EFCAB6: variants seen among roughly 807,000 people sequenced by gnomAD.
EFCAB6 encodes the protein EF-hand calcium-binding domain-containing protein 6.
EFCAB6 carries 156 observed loss-of-function variants against 169.8 expected under a neutral mutation model. That is an observed-to-expected ratio of 0.92 (90% CI 0.81 to 1.05). EFCAB6 has a LOEUF of 1.05. Among genes scored for constraint, EFCAB6 ranks in the 50% least tolerant of loss-of-function variants. The probability of loss-of-function intolerance (pLI) is 0.00; values close to 1 mark genes in which losing one functional copy is unlikely to be tolerated. For synonymous variants in EFCAB6, 698 were observed against 676.4 expected (o/e 1.03, Z -0.50); for missense variants, 1,800 against 1,829.1 (o/e 0.98, Z 0.29).
chr22:43,807,970 C>G (rs748298386), intron 2 of EFCAB6, among the ~76,000 whole-genome samples: 1 of 152,226 alleles, frequency 6.6e-6, no homozygotes, highest in Non-Finnish European at 1.5e-5. Context: ...TCCACCACAA[C>G]AACTTGCAAG....
chr22:43,666,791 T>A (rs770082507), intron 17 of EFCAB6, among the ~76,000 whole-genome samples: 4 of 148,008 alleles, frequency 2.7e-5, no homozygotes, highest in Non-Finnish European at 4.5e-5. Context: ...GGCTTTGTAC[T>A]CTCACCCGCA....
chr22:43,582,770 A>G (rs1354945935), intron 24 of EFCAB6, among the ~76,000 whole-genome samples: 4 of 152,156 alleles, frequency 2.6e-5, no homozygotes, highest in African/African-American at 7.2e-5. Context: ...GAGAGGAGAA[A>G]GTGGAATAGA....
intron 8 of EFCAB6, among the ~76,000 whole-genome samples, chr22:43,730,740 AC>A (rs1357104411): frequency 6.6e-6 from 1 of 152,150 alleles, no homozygotes; most frequent in East Asian, 1.9e-4. Context: ...CACCTGCCTC[AC>A]GTGGTCGTGG....
intron 26 of EFCAB6, among the ~76,000 whole-genome samples, chr22:43,573,350 A>G (rs572425551): frequency 2.6e-5 from 4 of 152,228 alleles, no homozygotes; most frequent in Non-Finnish European, 5.9e-5. Context: ...GTTTGTTAAA[A>G]AAAAAGACTT....
At chr22:43,732,756 T>C (rs1488102613) in intron 7 of EFCAB6, among the ~76,000 whole-genome samples, 1 of 152,168 alleles carries the variant, frequency 6.6e-6, no homozygotes, top group Non-Finnish European at 1.5e-5. Flanking sequence ...CATGAGCCAC[T>C]GTGCCCAGCC....
In EFCAB6 at chr22:43,767,193, G is replaced by A. The variant is rs1027671508; in HGVS notation, c.352-1800C>T. 5.3e-5 allele frequency among the ~76,000 whole-genome samples: 8 copies of A among 152,162 alleles called. 1 individual carries two copies. Among genetic ancestry groups the A allele is most frequent in the African/African-American group, 7.2e-5 (3 of 41,520 alleles). On this transcript the variant is annotated intron_variant, in intron 4 of 31. Transcript: ENST00000262726. The stretch of plus-strand genomic sequence containing the variant: ...TTATTTACTAAGCCCTTAAAATGCC[G>A]GCCTCAAAGCCTGGCATGGTTATTG...
At chr22:43,542,407 C>G (rs1284969632) in intron 27 of EFCAB6, among the ~76,000 whole-genome samples, 1 of 152,142 alleles carries the variant, frequency 6.6e-6, no homozygotes, top group Non-Finnish European at 1.5e-5. Context: ...TGGTGAAACC[C>G]CATCTCTACT....
chr22:43,720,350 T>TA (rs34117958), intron 8 of EFCAB6, among the ~76,000 whole-genome samples: 110,255 of 144,388 alleles, frequency 0.76, 41,962 homozygotes, highest in East Asian at 0.86. Context: ...TACAAAAGAT[T>TA]AAAAAAAAAA....
Position 43,626,698 on chromosome 22 carries a change from C to T in EFCAB6, c.2233-19G>A, listed in dbSNP as rs110618. 3.6e-5 allele frequency: 58 copies of T among 1,612,168 alleles called. No homozygotes were observed. The highest frequency in any genetic ancestry group is 1.6e-4 in the Middle Eastern group (1 of 6,066). On this transcript the variant is annotated intron_variant, in intron 19 of 31. Coordinates refer to ENST00000262726, the MANE Select transcript of EFCAB6 (RefSeq NM_022785.4). Reference sequence around the variant, plus strand: ...AGGGGTCCTAAAAACAAAACACACACGTCAAAGCCCTTCCCCAAGAGCCCC... The same window carrying T: ...AGGGGTCCTAAAAACAAAACACACATGTCAAAGCCCTTCCCCAAGAGCCCC...
At chr22:43,713,295 T>C (rs1023088994) in intron 9 of EFCAB6, among the ~76,000 whole-genome samples, 3 of 152,232 alleles carry the variant, frequency 2.0e-5, no homozygotes, top group African/African-American at 4.8e-5. Flanking sequence ...AAGCACATTA[T>C]TGGCATGCAG....
chr22:43,599,472 T>C (rs911608810), intron 23 of EFCAB6, among the ~76,000 whole-genome samples: 12 of 118,890 alleles, frequency 1.0e-4, no homozygotes, highest in Non-Finnish European at 1.6e-4. Flanking sequence ...ACAGCGCCAT[T>C]GCACTCCAGC....
chr22:43,785,393 A>C (rs905638045), intron 2 of EFCAB6, among the ~76,000 whole-genome samples: 3 of 151,960 alleles, frequency 2.0e-5, no homozygotes, highest in African/African-American at 7.3e-5. Flanking sequence ...AAATTAAACA[A>C]CACACTCCTA....
chr22:43,711,434 G>A (rs372562521), intron 10 of EFCAB6, 41 bp downstream of exon 10: 585 of 1,518,424 alleles, frequency 3.9e-4, no homozygotes, highest in Admixed American at 5.1e-4. Flanking sequence ...TACGGTTGAC[G>A]TTTGGGGAAA....
rs145778595 is a variant in EFCAB6, at chr22:43,678,103, T to C, written c.1312A>G (p.Lys438Glu). Residue 438 changes from lysine to glutamate, a missense_variant, in exon 13 of 32, where the codon AAA (lysine) becomes GAA (glutamate). Transcript: ENST00000262726. ...TCTTTGAATTCTGAATCGCTTAGTT[T>C]TACAGCCATGCAATTTAGAATATAT... ...FRYILNCMAVKLSDSEFKELM... is the reference protein window; with the variant it reads ...FRYILNCMAVELSDSEFKELM... 1.6e-4 allele frequency: 257 copies of C among 1,613,912 alleles called. No homozygotes were observed. The African/African-American group carries it at 2.8e-3, about 18-fold the overall frequency.
intron 22 of EFCAB6, among the ~76,000 whole-genome samples, chr22:43,606,081 G>T (rs1050392776): frequency 4.6e-5 from 7 of 152,198 alleles, no homozygotes; most frequent in Non-Finnish European, 1.0e-4. Context: ...CTGAAGGGAG[G>T]AAGTAGAGGA....
intron 30 of EFCAB6, 50 bp from the exon 31 acceptor site, chr22:43,531,014 T>C (rs1226706102): frequency 1.9e-6 from 3 of 1,610,068 alleles, no homozygotes; most frequent in Middle Eastern, 3.9e-4. Context: ...AACACGAGGG[T>C]TGGGGTGGGC....
chr22:43,719,925 CA>C (rs910985377), intron 8 of EFCAB6, among the ~76,000 whole-genome samples: 32 of 151,766 alleles, frequency 2.1e-4, no homozygotes, highest in Admixed American at 2.1e-3. Context: ...GAGCAAATTA[CA>C]AAAAAACATT....
At chr22:43,733,524 G>A (rs2060027102) in intron 7 of EFCAB6, among the ~76,000 whole-genome samples, 1 of 152,136 alleles carries the variant, frequency 6.6e-6, no homozygotes, top group African/African-American at 2.4e-5. Context: ...CTTGTTTTAT[G>A]TAGGTTGGAG....
At chr22:43,579,187 T>TAGGCATCATTCCGTACATGC (rs2050494862) in intron 25 of EFCAB6, among the ~76,000 whole-genome samples, 1 of 134,758 alleles carries the variant, frequency 7.4e-6, no homozygotes, top group Non-Finnish European at 1.6e-5. Flanking sequence ...TCCATACACA[T>TAGGCATCATTCCGTACATGC]AGGCATCATT....
Sources: allele counts gnomAD v4.1 joint callset (sites outside exome capture counted in the v4.1 genomes callset), GRCh38; gene constraint gnomAD v4.1.1; transcripts MANE v1.5; gene names NCBI Gene and HGNC (gene_info 2026-07-23, HGNC 2026-07-21).